The following TCF12 variants were observed in gnomAD, a reference collection of about 807,000 sequenced individuals.
TCF12 encodes transcription factor 12.
A neutral mutation model predicts 86.0 loss-of-function variants in TCF12; 45 were observed. The observed-to-expected ratio is 0.52, with a 90% CI of 0.41 to 0.67. TCF12 has a LOEUF of 0.67. TCF12 is among the 30% of genes least tolerant of loss of function. The probability of loss-of-function intolerance (pLI) is 0.00; values close to 1 mark genes in which losing one functional copy is unlikely to be tolerated. For synonymous variants in TCF12, 330 were observed against 299.6 expected (o/e 1.10, Z -1.05); for missense variants, 881 against 859.9 (o/e 1.02, Z -0.31).
chr15:57,193,086 ATCAGT>A (rs754027807), intron 7 of TCF12, among the ~76,000 whole-genome samples: 7 of 152,186 alleles, frequency 4.6e-5, no homozygotes, highest in Non-Finnish European at 8.8e-5. Context: ...TTCTCATCTC[ATCAGT>A]TCACCAATCC....
intron 3 of TCF12, among the ~76,000 whole-genome samples, chr15:56,935,493 G>C (rs554053446): frequency 6.6e-6 from 1 of 151,802 alleles, no homozygotes; most frequent in Non-Finnish European, 1.5e-5. Context: ...TTTTGTTTCC[G>C]TAGGTTTTTG....
At chr15:57,199,825 A>G (rs942101787) in intron 8 of TCF12, among the ~76,000 whole-genome samples, 1 of 152,164 alleles carries the variant, frequency 6.6e-6, no homozygotes, top group Admixed American at 6.5e-5. Context: ...ATTCATTTTA[A>G]TTAACTGAAA....
intron 3 of TCF12, among the ~76,000 whole-genome samples, chr15:56,931,000 C>G (rs144043762): frequency 0.012 from 1,823 of 152,188 alleles, 16 homozygotes; most frequent in Middle Eastern, 0.027. Flanking sequence ...TAAAACCCAC[C>G]TGGCCCCATG....
intron 12 of TCF12, among the ~76,000 whole-genome samples, chr15:57,241,799 C>T (rs1209016707): frequency 1.3e-5 from 2 of 152,080 alleles, no homozygotes; most frequent in African/African-American, 4.8e-5. Flanking sequence ...TCAAGACCAG[C>T]CTGTCCAACA....
chr15:57,124,265 T>C lies in TCF12; in HGVS notation c.325+32374T>C, dbSNP rs188297075. ...ATGTTTTTGATTCCACTTTGTTCCA[T>C]AGAGATTTATCATTTTCATTTCCTG... On this transcript the variant is annotated intron_variant, in intron 5 of 20. Coordinates refer to ENST00000333725, the MANE Select transcript of TCF12 (RefSeq NM_207037.2). Among the ~76,000 whole-genome samples the C allele has an allele frequency of 9.7e-4, 147 of 152,298 alleles. 1 individual carries two copies. Among genetic ancestry groups the C allele is most frequent in the Non-Finnish European group, 6.9e-4 (47 of 68,012 alleles).
At chr15:57,102,410 C>T (rs2049822608) in intron 5 of TCF12, among the ~76,000 whole-genome samples, 1 of 152,090 alleles carries the variant, frequency 6.6e-6, no homozygotes, top group African/African-American at 2.4e-5. Context: ...CCAGTTTGGC[C>T]AACATGGCAA....
intron 12 of TCF12, among the ~76,000 whole-genome samples, chr15:57,238,783 T>C (rs1357540379): frequency 3.3e-5 from 5 of 152,198 alleles, no homozygotes; most frequent in Non-Finnish European, 4.4e-5. Context: ...AAGTTTCCTG[T>C]CTTCAAAGAG....
intron 3 of TCF12, among the ~76,000 whole-genome samples, chr15:57,024,788 A>T (rs1252937542): frequency 6.6e-6 from 1 of 152,208 alleles, no homozygotes; most frequent in Non-Finnish European, 1.5e-5. Flanking sequence ...TTAGCTCCAC[A>T]TATAAAAGAA....
At chr15:57,126,394 T>C (rs2051652978) in intron 5 of TCF12, among the ~76,000 whole-genome samples, 1 of 152,194 alleles carries the variant, frequency 6.6e-6, no homozygotes, top group Non-Finnish European at 1.5e-5. Flanking sequence ...CTACTTGCAT[T>C]ATAAAACCAA....
At chr15:57,040,867 G>A (rs2066853100) in intron 3 of TCF12, among the ~76,000 whole-genome samples, 2 of 152,172 alleles carry the variant, frequency 1.3e-5, no homozygotes, top group Non-Finnish European at 2.9e-5. Context: ...GTTGGGTGTT[G>A]TGAATGTTAT....
intron 18 of TCF12, among the ~76,000 whole-genome samples, chr15:57,265,594 GT>G (rs1166496868): frequency 4.6e-5 from 7 of 152,128 alleles, no homozygotes; most frequent in African/African-American, 1.7e-4. Flanking sequence ...AATATTAGAA[GT>G]GTATTTTGGT....
chr15:57,262,132 C>G lies in TCF12; in HGVS notation c.1506C>G (p.Gly502=). The G allele has an allele frequency of 6.2e-7, 1 of 1,613,436 alleles. No homozygotes were observed. Among genetic ancestry groups the G allele is most frequent in the Non-Finnish European group, 8.5e-7 (1 of 1,179,640 alleles). ...THREDSVSLN[G]NHSVLSSTVT... The stretch of plus-strand genomic sequence containing the variant: ...GGGAAGACTCTGTCAGTCTCAATGG[C>G]AATCATTCAGTCCTGTCTAGTACAG... The change falls in exon 17 of 21, where the codon GGC becomes GGG. Residue 502 remains glycine, a synonymous_variant. Coordinates refer to ENST00000333725, the MANE Select transcript of TCF12 (RefSeq NM_207037.2).
intron 3 of TCF12, among the ~76,000 whole-genome samples, chr15:57,007,814 CTTTCTTT>C (rs1596084565): frequency 7.5e-6 from 1 of 133,758 alleles, no homozygotes; most frequent in African/African-American, 2.8e-5. Context: ...TTCTTTCTTT[CTTTCTTT>C]TTCTTTCTTT....
intron 3 of TCF12, among the ~76,000 whole-genome samples, chr15:56,946,537 C>A (rs1416265755): frequency 6.6e-6 from 1 of 151,946 alleles, no homozygotes; most frequent in East Asian, 1.9e-4. Context: ...TTGCTGGTAT[C>A]ACCTTTTTAT....
chr15:57,218,213 A>C (rs1410420297), intron 8 of TCF12, among the ~76,000 whole-genome samples: 4 of 152,168 alleles, frequency 2.6e-5, no homozygotes, highest in Admixed American at 2.6e-4. Context: ...AAAAAAAGTG[A>C]TGTGCCCCCT....
intron 3 of TCF12, among the ~76,000 whole-genome samples, chr15:57,030,306 A>T (rs767229673): frequency 2.0e-5 from 3 of 152,172 alleles, no homozygotes; most frequent in Non-Finnish European, 2.9e-5. Context: ...TGGCATGATG[A>T]TAGCTCACTG....
At chr15:57,065,007 G>C (rs758098758) in intron 4 of TCF12, among the ~76,000 whole-genome samples, 7 of 152,082 alleles carry the variant, frequency 4.6e-5, no homozygotes, top group Non-Finnish European at 1.0e-4. Flanking sequence ...GTTTACACAA[G>C]TTTGCATTGA....
chr15:57,244,306 C>G (rs1338968978), intron 13 of TCF12, among the ~76,000 whole-genome samples: 1 of 152,174 alleles, frequency 6.6e-6, no homozygotes, highest in East Asian at 1.9e-4. Flanking sequence ...AGATGAATAA[C>G]TATTTCTGCT....
chr15:57,018,609 C>T (rs1169598836), intron 3 of TCF12, among the ~76,000 whole-genome samples: 1 of 151,954 alleles, frequency 6.6e-6, no homozygotes, highest in African/African-American at 2.4e-5. Context: ...ACTACATGCA[C>T]GTGCCAGCAT....
Sources: allele counts gnomAD v4.1 joint callset (sites outside exome capture counted in the v4.1 genomes callset), GRCh38; gene constraint gnomAD v4.1.1; transcripts MANE v1.5; gene names NCBI Gene and HGNC (gene_info 2026-07-23, HGNC 2026-07-21).